Variants in ALK observed in about 807,000 individuals in gnomAD.
ALK encodes ALK tyrosine kinase receptor.
ALK carries 74 observed loss-of-function variants against 163.1 expected under a neutral mutation model. The ratio of observed to expected loss-of-function variants is 0.45; its 90% CI spans 0.38 to 0.55. The LOEUF is 0.55. ALK is among the 20% of genes least tolerant of loss of function. The pLI is 0.00. For synonymous variants in ALK, 960 were observed against 843.2 expected, an observed-to-expected ratio of 1.14 and a Z score of -2.40; for missense variants, 2,063 against 2,105.3, an observed-to-expected ratio of 0.98 and a Z score of 0.39.
intron 1 of ALK, among the ~76,000 whole-genome samples, chr2:29,800,736 T>G (rs1423976877): frequency 6.6e-6 from 1 of 152,170 alleles, no homozygotes; most frequent in Non-Finnish European, 1.5e-5. Flanking sequence ...TGGGCTCAAA[T>G]CTACCCCACA....
intron 11 of ALK, among the ~76,000 whole-genome samples, chr2:29,259,948 G>A (rs184082286): frequency 6.6e-6 from 1 of 152,002 alleles, no homozygotes; most frequent in East Asian, 1.9e-4. Context: ...GGGCACCTAA[G>A]CAAAATAGCA....
intron 2 of ALK, among the ~76,000 whole-genome samples, chr2:29,715,059 A>AC (rs1278593792): frequency 3.3e-5 from 5 of 152,138 alleles, no homozygotes; most frequent in Admixed American, 3.3e-4. Context: ...GGAAGGGCCA[A>AC]CCCTTACCTG....
intron 3 of ALK, among the ~76,000 whole-genome samples, chr2:29,556,244 G>A (rs1673855680): frequency 6.6e-6 from 1 of 152,182 alleles, no homozygotes; most frequent in African/African-American, 2.4e-5. Flanking sequence ...TGATCTTACT[G>A]TAGGACAAGG....
chr2:29,230,605 A>C (rs1664171546), intron 15 of ALK, among the ~76,000 whole-genome samples: 1 of 152,132 alleles, frequency 6.6e-6, no homozygotes, highest in Non-Finnish European at 1.5e-5. Context: ...TTTGAAAATG[A>C]AGCTGAGGTC....
At chr2:29,231,354 AC>A (rs1388289613) in intron 15 of ALK, among the ~76,000 whole-genome samples, 1 of 152,192 alleles carries the variant, frequency 6.6e-6, no homozygotes, top group Admixed American at 6.5e-5. Context: ...AAAACAAAAA[AC>A]AAAAATTGTC....
chr2:29,750,669 A>AAGGT (rs1680334003), intron 1 of ALK, among the ~76,000 whole-genome samples: 1 of 133,550 alleles, frequency 7.5e-6, no homozygotes, highest in Non-Finnish European at 1.6e-5. Flanking sequence ...GGAAGGAAGG[A>AAGGT]AGGAAGGAAG....
At chr2:29,349,196 CT>C (rs1190478692) in intron 5 of ALK, among the ~76,000 whole-genome samples, 1 of 152,120 alleles carries the variant, frequency 6.6e-6, no homozygotes, top group Non-Finnish European at 1.5e-5. Context: ...ACAGTAGAGT[CT>C]GCCTTATTCT....
At chr2:29,437,895 C>T (rs1217092761) in intron 4 of ALK, among the ~76,000 whole-genome samples, 1 of 152,226 alleles carries the variant, frequency 6.6e-6, no homozygotes, top group Admixed American at 6.5e-5. Context: ...TTCAAACAGT[C>T]ATTTATATTT....
chr2:29,378,877 C>CA (rs1553308984), intron 5 of ALK, among the ~76,000 whole-genome samples: 1 of 151,948 alleles, frequency 6.6e-6, no homozygotes, highest in Admixed American at 6.6e-5. Flanking sequence ...TGCCTGGCTA[C>CA]TTTTTTTGTA....
chr2:29,213,900 G>A (rs2148159006), intron 24 of ALK, 84 bp downstream of exon 24: 1 of 1,164,864 alleles, frequency 8.6e-7, no homozygotes, highest in Non-Finnish European at 1.3e-6. Flanking sequence ...GCTCTGAAGG[G>A]GGAAATGTGA....
At chr2:29,646,176 T>C (rs1340174368) in intron 3 of ALK, among the ~76,000 whole-genome samples, 1 of 152,136 alleles carries the variant, frequency 6.6e-6, no homozygotes, top group Non-Finnish European at 1.5e-5. Flanking sequence ...GATCTACCTG[T>C]AGTCATTTCT....
At chr2:29,198,872 T>A (rs1669088666) in intron 26 of ALK, among the ~76,000 whole-genome samples, 1 of 152,220 alleles carries the variant, frequency 6.6e-6, no homozygotes, top group African/African-American at 2.4e-5. Flanking sequence ...TATCTATCAA[T>A]CAATTTTCTT....
intron 12 of ALK, among the ~76,000 whole-genome samples, chr2:29,250,378 C>G (rs1278121460): frequency 1.3e-5 from 2 of 152,216 alleles, no homozygotes; most frequent in Non-Finnish European, 2.9e-5. Context: ...TATTTAAGTC[C>G]AAGACTTGAT....
chr2:29,504,879 C>T (rs1265509979), intron 4 of ALK, among the ~76,000 whole-genome samples: 1 of 152,118 alleles, frequency 6.6e-6, no homozygotes, highest in Non-Finnish European at 1.5e-5. Context: ...TACCTTTGCA[C>T]CATCCTAATA....
At chr2:29,407,418 A>C (rs991014201) in intron 4 of ALK, among the ~76,000 whole-genome samples, 32 of 152,222 alleles carry the variant, frequency 2.1e-4, no homozygotes, top group African/African-American at 7.5e-4. Context: ...ATTCGCCCCT[A>C]CCATATGAAG....
intron 4 of ALK, among the ~76,000 whole-genome samples, chr2:29,451,364 C>A (rs961425643): frequency 6.6e-6 from 1 of 152,124 alleles, no homozygotes; most frequent in African/African-American, 2.4e-5. Context: ...ATCCACAGCT[C>A]CCCCACTGCC....
chr2:29,635,060 G>T (rs768873236), intron 3 of ALK, among the ~76,000 whole-genome samples: 66 of 152,070 alleles, frequency 4.3e-4, no homozygotes, highest in Non-Finnish European at 6.6e-4. Context: ...TAACACTTAG[G>T]CTTAAATCTA....
intron 3 of ALK, among the ~76,000 whole-genome samples, chr2:29,583,166 A>G (rs1317884283): frequency 6.6e-6 from 1 of 151,624 alleles, no homozygotes; most frequent in Non-Finnish European, 1.5e-5. Context: ...GGTGTGAGTC[A>G]CCATGCCCAG....
chr2:29,710,255 G>A (rs1454237447), intron 2 of ALK, among the ~76,000 whole-genome samples: 1 of 152,132 alleles, frequency 6.6e-6, no homozygotes, highest in East Asian at 1.9e-4. Context: ...CAAGCCATGT[G>A]GAACTGTGAG....
Sources: gnomAD v4.1 joint callset for allele counts (sites outside exome capture counted in the v4.1 genomes callset) on GRCh38, gnomAD v4.1.1 for gene constraint, MANE v1.5 for transcripts, NCBI Gene and HGNC (gene_info 2026-07-23, HGNC 2026-07-21) for gene names.